Variants in TKFC observed in about 807,000 individuals in gnomAD.
The protein encoded by TKFC is triokinase/FMN cyclase.
Under a neutral mutation model 61.0 loss-of-function variants are expected in TKFC, and 46 were observed. That is an observed-to-expected ratio of 0.75 (90% CI 0.60 to 0.96). The LOEUF (loss-of-function observed/expected upper bound fraction) is 0.96. Among genes scored for constraint, TKFC ranks in the 50% least tolerant of loss-of-function variants. TKFC has a pLI of 0.00. For synonymous variants in TKFC, 314 were observed against 330.1 expected (o/e 0.95, Z 0.53); for missense variants, 715 against 777.5 (o/e 0.92, Z 0.96).
At chr11:61,351,074 C>T (rs1857383115), downstream of TKFC, 1 of 1,613,874 alleles carries the variant, frequency 6.2e-7, no homozygotes, top group African/African-American at 1.3e-5. Flanking sequence ...CCAAAGGCCA[C>T]CACCAGCATC....
At chr11:61,350,682 C>T (rs1411278603), downstream of TKFC, 87 of 594,574 alleles carry the variant, frequency 1.5e-4, no homozygotes, top group Non-Finnish European at 2.1e-5. Flanking sequence ...AGAAATCACA[C>T]ACCCTTGTCA....
downstream of TKFC, chr11:61,351,391 G>A (rs1172776735): frequency 2.7e-5 from 8 of 293,480 alleles, no homozygotes; most frequent in East Asian, 2.2e-4. Context: ...CTGGGTTCAC[G>A]CCATTCTCCT....
chr11:61,344,151 G>A lies in TKFC; in HGVS notation c.1118G>A (p.Arg373Gln), dbSNP rs148178060. 72 of 1,612,208 alleles carry A rather than the reference G, an allele frequency of 4.5e-5. 1 individual carries two copies. The highest frequency in any genetic ancestry group is 3.8e-4 in the South Asian group (35 of 91,012). ...CCCTTTCTAGGCTCAGCCTCGAAGCGGATGGCGCTGGTGCTGGAACGGGTG... is the reference window on the plus strand; with the variant it reads ...CCCTTTCTAGGCTCAGCCTCGAAGCAGATGGCGCTGGTGCTGGAACGGGTG... ...STAAGGSASK[R>Q]MALVLERVCS... Residue 373 changes from arginine (R) to glutamine (Q), a missense_variant, in exon 13 of 18, where the codon CGG (arginine) becomes CAG (glutamine). Arg to Gln is a conservative substitution (Grantham distance 43, BLOSUM62 1). Transcript: ENST00000394900.
intron 10 of TKFC, 104 bp downstream of exon 10, chr11:61,342,948 T>G: frequency 8.4e-7 from 1 of 1,184,088 alleles, no homozygotes; most frequent in Non-Finnish European, 1.2e-6. Context: ...TAAGCCTGAG[T>G]TAAATCGTCT....
chr11:61,344,968 A>G (rs1014722180), intron 13 of TKFC, among the ~76,000 whole-genome samples: 9 of 152,250 alleles, frequency 5.9e-5, no homozygotes, highest in African/African-American at 2.2e-4. Flanking sequence ...CAGATAAATC[A>G]GTAAAACACA....
Position 61,333,303 on chromosome 11 carries a change from G to A in TKFC, c.-136G>A, listed in dbSNP as rs1015610442. The A allele has an allele frequency of 4.6e-6, 1 of 218,378 alleles. No individual in the cohort carries two copies. The allele number at this position is 218,378 out of a possible 1,614,324, so 13.5% of individuals were successfully genotyped here. A position where few individuals can be genotyped will look rare whatever the true frequency, so the allele number is the denominator to read the frequency against. On this transcript the variant is annotated 5_prime_UTR_variant, in exon 1 of 18. Transcript: ENST00000394900. ...AAGTCGCGGCGCCTTCGGATGTGGC[G>A]GATGCGGCCGTGAGCCGGCGGGGGA... is the stretch of plus-strand genomic sequence containing the variant.
intron 5 of TKFC, among the ~76,000 whole-genome samples, chr11:61,340,244 T>A (rs1467468882): frequency 6.6e-6 from 1 of 151,558 alleles, no homozygotes. Context: ...ACTCCTGACC[T>A]CAAGTGATCT....
chr11:61,351,165 A>G (rs1857389369), downstream of TKFC: 1 of 1,601,826 alleles, frequency 6.2e-7, no homozygotes, highest in Admixed American at 1.7e-5. Context: ...TGACAAAACA[A>G]TGTGAGCCCT....
rs768439545 is a variant in TKFC at position 61,339,084 on chromosome 11, T to G, written c.212T>G (p.Met71Arg). 5.6e-6 allele frequency: 9 copies of G among 1,613,074 alleles called. No homozygotes were observed. In the East Asian group the frequency reaches 2.0e-4, roughly 36 times the overall value. Reference protein sequence around the residue: ...PAHAGFIGKGMLTGVIAGAVF... With the variant: ...PAHAGFIGKGRLTGVIAGAVF... ...CCTCCAGGTTTCATAGGGAAGGGGA[T>G]GCTGACTGGGGTCATCGCGGGAGCT... The change falls in exon 4 of 18, where the codon ATG (methionine) becomes AGG (arginine). Residue 71 changes from methionine to arginine, a missense_variant. Transcript: ENST00000394900.
downstream of TKFC, chr11:61,350,290 G>A (rs79792967): frequency 7.1e-7 from 1 of 1,412,228 alleles, no homozygotes; most frequent in East Asian, 2.5e-5. Flanking sequence ...GCCCAGCATT[G>A]GAAGAAAGTC....
At chr11:61,353,059 AAAG>A (rs1183312501), downstream of TKFC, 1 of 1,614,056 alleles carries the variant, frequency 6.2e-7, no homozygotes, top group African/African-American at 1.3e-5. Flanking sequence ...CGGCTCCAAA[AAAG>A]ACGTGGATAG....
rs149571662 is a variant in TKFC, at chr11:61,341,855, G to A, written c.598G>A (p.Val200Ile). The A allele has an allele frequency of 7.7e-5, 124 of 1,613,932 alleles. No individual in the cohort carries two copies. The highest frequency in any genetic ancestry group is 7.2e-4 in the South Asian group (66 of 91,082). The part of the protein sequence containing the change: ...TLGVSLSSCS[V>I]PGSKPTFELS... ...GGGGGTGAGCTTATCCTCCTGCAGCGTCCCTGGTTCCAAACCCACCTTCGA... is the reference window on the plus strand; with the variant it reads ...GGGGGTGAGCTTATCCTCCTGCAGCATCCCTGGTTCCAAACCCACCTTCGA... Residue 200 changes from valine (V) to isoleucine (I), a missense_variant, in exon 7 of 18, where the codon GTC (valine) becomes ATC (isoleucine). By Grantham distance (29) the Val-to-Ile change is conservative. Coordinates refer to ENST00000394900, the MANE Select transcript of TKFC (RefSeq NM_015533.4).
In TKFC at chr11:61,347,037, C is replaced by T; in HGVS notation, c.*534C>T. The T allele has an allele frequency of 3.0e-6, 3 of 986,080 alleles. No homozygotes were observed. Among genetic ancestry groups the T allele is most frequent in the Non-Finnish European group, 2.4e-6 (2 of 830,450 alleles). The allele number at this position is 986,080 out of a possible 1,614,324, so 61.1% of individuals were successfully genotyped here. On this transcript the variant is annotated 3_prime_UTR_variant, in exon 18 of 18. Coordinates refer to ENST00000394900, the MANE Select transcript of TKFC (RefSeq NM_015533.4). ...CAGGCAGATCTTTATTACCTGAGCC[C>T]CTAAGGCAGTGTCTCCTCAGCTGGG...
intron 5 of TKFC, 111 bp from the exon 6 acceptor site, chr11:61,341,325 A>G (rs1856841114): frequency 1.6e-6 from 2 of 1,233,202 alleles, no homozygotes; most frequent in Non-Finnish European, 2.3e-6. Flanking sequence ...TGAGTGTGAA[A>G]ATCCTGAGGT....
At chr11:61,353,087 C>T (rs993708538), downstream of TKFC, 7 of 1,613,732 alleles carry the variant, frequency 4.3e-6, no homozygotes, top group South Asian at 1.1e-5. Context: ...TAGGAGGCTG[C>T]GCAGCCACAT....
chr11:61,341,707 C>A, intron 6 of TKFC, 116 bp from the exon 7 acceptor site: 1 of 1,282,432 alleles, frequency 7.8e-7, no homozygotes, highest in Non-Finnish European at 1.1e-6. Context: ...AGTCTGGCAG[C>A]CTTTCTCAGA....
chr11:61,348,953 A>G lies in TKFC; in HGVS notation c.*2450A>G, dbSNP rs1024048784. The G allele has an allele frequency of 6.4e-6, 1 of 155,410 alleles. No homozygotes were observed. Among genetic ancestry groups the G allele is most frequent in the Non-Finnish European group, 1.4e-5 (1 of 69,786 alleles). The allele number at this position is 155,410 out of a possible 1,614,324, so 9.6% of individuals were successfully genotyped here. On this transcript the variant is annotated 3_prime_UTR_variant, in exon 18 of 18. Transcript: ENST00000394900. ...GCTCCAGCCAGTCAAGACGGTCAATATTAGCCCTTCTGCCAACATCTGGCA... is the reference window on the plus strand; with the variant it reads ...GCTCCAGCCAGTCAAGACGGTCAATGTTAGCCCTTCTGCCAACATCTGGCA...
At chr11:61,338,346 C>T (rs368961104) in intron 3 of TKFC, among the ~76,000 whole-genome samples, 1 of 152,238 alleles carries the variant, frequency 6.6e-6, no homozygotes, top group Non-Finnish European at 1.5e-5. Context: ...TTGGGCCAAA[C>T]AATCTCTCAA....
At chr11:61,352,927 T>C (rs1211608404), downstream of TKFC, 1 of 1,613,446 alleles carries the variant, frequency 6.2e-7, no homozygotes, top group Admixed American at 1.7e-5. Context: ...AGGGTGTATC[T>C]TTTGAAGACC....
Sources: gnomAD v4.1 joint callset for allele counts (sites outside exome capture counted in the v4.1 genomes callset) on GRCh38, gnomAD v4.1.1 for gene constraint, MANE v1.5 for transcripts, NCBI Gene and HGNC (gene_info 2026-07-23, HGNC 2026-07-21) for gene names.